Variants in CCBE1 observed in about 807,000 individuals in gnomAD.
CCBE1 encodes the protein collagen and calcium-binding EGF domain-containing protein 1.
In CCBE1, 37 loss-of-function variants were observed where a neutral mutation model predicts 50.0. That is an observed-to-expected ratio of 0.74 (90% CI 0.57 to 0.97). The LOEUF is 0.97. CCBE1 is among the 50% of genes least tolerant of loss of function. CCBE1 has a pLI of 0.00. For synonymous variants in CCBE1, 234 were observed against 203.7 expected, an observed-to-expected ratio of 1.15 and a Z score of -1.27; for missense variants, 538 against 523.8, an observed-to-expected ratio of 1.03 and a Z score of -0.26.
At chr18:59,493,535 C>A (rs574369237) in intron 2 of CCBE1, among the ~76,000 whole-genome samples, 1 of 135,066 alleles carries the variant, frequency 7.4e-6, no homozygotes, top group Non-Finnish European at 1.5e-5. Flanking sequence ...TTATTTAATT[C>A]TCATAAAAAC....
chr18:59,684,452 A>C lies in CCBE1; in HGVS notation c.212+12177T>G, dbSNP rs150181051. 6.8e-3 allele frequency among the ~76,000 whole-genome samples: 1,039 copies of C among 152,316 alleles called. 8 individuals carry two copies. Among genetic ancestry groups the C allele is most frequent in the African/African-American group, 0.024 (978 of 41,570 alleles). On this transcript the variant is annotated intron_variant, in intron 2 of 10. Transcript: ENST00000439986. Reference sequence around the variant, plus strand: ...TGATAGAGTGGGACTCTGTCTCAAAAAAAAAAATTCTCCATTACTATAATA... The same window carrying C: ...TGATAGAGTGGGACTCTGTCTCAAACAAAAAAATTCTCCATTACTATAATA...
At chr18:59,669,087 C>A (rs150730197) in intron 2 of CCBE1, among the ~76,000 whole-genome samples, 2,402 of 152,058 alleles carry the variant, frequency 0.016, 67 homozygotes, top group African/African-American at 0.054. Context: ...CCACCCACCT[C>A]GGCCTCCCAA....
intron 2 of CCBE1, among the ~76,000 whole-genome samples, chr18:59,632,125 T>A (rs1480803731): frequency 6.6e-6 from 1 of 152,184 alleles, no homozygotes; most frequent in African/African-American, 2.4e-5. Context: ...TGTAGGGATC[T>A]CCACAGTCTC....
chr18:59,513,914 G>A (rs78401652), intron 2 of CCBE1, among the ~76,000 whole-genome samples: 9,360 of 152,174 alleles, frequency 0.062, 777 homozygotes, highest in East Asian at 0.33. Flanking sequence ...CCACACTTGG[G>A]CCATCACGGG....
intron 2 of CCBE1, among the ~76,000 whole-genome samples, chr18:59,672,050 G>A (rs2054439520): frequency 6.6e-6 from 1 of 152,304 alleles, no homozygotes; most frequent in South Asian, 2.1e-4. Flanking sequence ...AATTCTATGT[G>A]CATTAACATA....
At position 59,480,216 on chromosome 18, in the gene CCBE1, T is replaced by G; in HGVS notation, c.235A>C (p.Lys79Gln). The change falls in exon 3 of 11, where the codon AAA (lysine) becomes CAA (glutamine). Residue 79 changes from lysine (K) to glutamine (Q), a missense_variant. By Grantham distance (53) the Lys-to-Gln change is moderately conservative. Transcript: ENST00000439986. ...GGGATGCATTGTCCAAGAACAAATT[T>G]ATATCCTTTGCAGCACTTTTTCCTA... is the stretch of plus-strand genomic sequence containing the variant. The part of the protein sequence containing the change: ...CYRKKCCKGY[K>Q]FVLGQCIPED... 1.3e-6 allele frequency: 2 copies of G among 1,598,972 alleles called. No homozygotes were observed. The highest frequency in any genetic ancestry group is 1.7e-5 in the Admixed American group (1 of 59,996).
At chr18:59,549,945 A>T (rs889899492) in intron 2 of CCBE1, among the ~76,000 whole-genome samples, 1 of 152,228 alleles carries the variant, frequency 6.6e-6, no homozygotes, top group African/African-American at 2.4e-5. Flanking sequence ...CAAGGATACA[A>T]TAGAGGACCT....
At chr18:59,555,049 T>C (rs972756461) in intron 2 of CCBE1, among the ~76,000 whole-genome samples, 5 of 152,218 alleles carry the variant, frequency 3.3e-5, no homozygotes, top group Non-Finnish European at 5.9e-5. Flanking sequence ...TTCATTGTAT[T>C]CTTCCCCCAA....
chr18:59,486,106 A>C (rs1458624078), intron 2 of CCBE1, among the ~76,000 whole-genome samples: 2 of 152,078 alleles, frequency 1.3e-5, no homozygotes, highest in Admixed American at 1.3e-4. Context: ...CTTGCTCCTT[A>C]ATCTTGCTGA....
chr18:59,692,151 C>A (rs1791343), intron 2 of CCBE1, among the ~76,000 whole-genome samples: 125,869 of 152,186 alleles, frequency 0.83, 52,913 homozygotes, highest in Admixed American at 0.91. Flanking sequence ...GAAGTTCATA[C>A]GACTCACAAA....
chr18:59,672,086 C>T (rs1215625980), intron 2 of CCBE1, among the ~76,000 whole-genome samples: 1 of 152,124 alleles, frequency 6.6e-6, no homozygotes, highest in African/African-American at 2.4e-5. Context: ...GAACTTGGGG[C>T]CACAGGCTCT....
At position 59,637,283 on chromosome 18, in the gene CCBE1, C is replaced by T. The variant is rs115634556; in HGVS notation, c.212+59346G>A. Among the ~76,000 whole-genome samples, 1,131 of 152,204 alleles carry T rather than the reference C, an allele frequency of 7.4e-3. 11 individuals are homozygous for T. Among genetic ancestry groups the T allele is most frequent in the African/African-American group, 0.026 (1,062 of 41,524 alleles). ...TATATCTTTCACTATTAGTCTCTCA[C>T]GTTTTAATGTTCAATGATGTTACAA... On this transcript the variant is annotated intron_variant, in intron 2 of 10. Coordinates refer to ENST00000439986, the MANE Select transcript of CCBE1 (RefSeq NM_133459.4).
chr18:59,649,338 G>T (rs1004706679), intron 2 of CCBE1, among the ~76,000 whole-genome samples: 2 of 152,198 alleles, frequency 1.3e-5, no homozygotes, highest in Non-Finnish European at 2.9e-5. Context: ...CAAACATCCT[G>T]GGAAGCAGTT....
intron 2 of CCBE1, among the ~76,000 whole-genome samples, chr18:59,601,950 T>A (rs1287785752): frequency 6.6e-6 from 1 of 152,302 alleles, no homozygotes; most frequent in Non-Finnish European, 1.5e-5. Flanking sequence ...TTTAAATGAT[T>A]AGCAAATTCA....
chr18:59,637,656 G>A (rs1013959197), intron 2 of CCBE1, among the ~76,000 whole-genome samples: 10 of 152,148 alleles, frequency 6.6e-5, no homozygotes, highest in African/African-American at 2.4e-4. Context: ...ATCACAATTG[G>A]AGCATAACTT....
intron 10 of CCBE1, among the ~76,000 whole-genome samples, chr18:59,437,172 C>A (rs1488527996): frequency 1.3e-5 from 2 of 152,058 alleles, no homozygotes; most frequent in African/African-American, 4.8e-5. Flanking sequence ...ATTTACTAAG[C>A]CTTAATTTCA....
chr18:59,575,366 C>A (rs1422428693), intron 2 of CCBE1, among the ~76,000 whole-genome samples: 1 of 151,928 alleles, frequency 6.6e-6, no homozygotes, highest in African/African-American at 2.4e-5. Context: ...GGTGAAAGAG[C>A]AGAACAAGGT....
In CCBE1 at chr18:59,435,651, T is replaced by C. The variant is rs1043014005; in HGVS notation, c.*257A>G. The stretch of plus-strand genomic sequence containing the variant: ...GGAAAAATAGGATGTAAAAGAAAAG[T>C]TACAATGCAAACCACCCCAATGGAC... On this transcript the variant is annotated 3_prime_UTR_variant, in exon 11 of 11. Transcript: ENST00000439986. The C allele has an allele frequency of 1.7e-5, 9 of 531,274 alleles. No individual in the cohort carries two copies. Among genetic ancestry groups the C allele is most frequent in the East Asian group, 6.5e-5 (2 of 30,932 alleles). The allele number at this position is 531,274 out of a possible 1,614,324, so 32.9% of individuals were successfully genotyped here.
intron 2 of CCBE1, among the ~76,000 whole-genome samples, chr18:59,544,063 T>G (rs747108003): frequency 2.0e-5 from 3 of 152,188 alleles, no homozygotes; most frequent in South Asian, 2.1e-4. Flanking sequence ...TATTAAGTGC[T>G]CTATTTAAAT....
Sources: gnomAD v4.1 joint callset for allele counts (sites outside exome capture counted in the v4.1 genomes callset) on GRCh38, gnomAD v4.1.1 for gene constraint, MANE v1.5 for transcripts, NCBI Gene and HGNC (gene_info 2026-07-23, HGNC 2026-07-21) for gene names.